MGAT4A: variants seen among roughly 807,000 people sequenced by gnomAD.
MGAT4A encodes the protein N-acetylglucosaminyltransferase IVa.
MGAT4A carries 33 observed loss-of-function variants against 74.1 expected under a neutral mutation model. That is an observed-to-expected ratio of 0.45 (90% CI 0.34 to 0.60). MGAT4A has a LOEUF of 0.60. Among genes scored for constraint, MGAT4A ranks in the 20% least tolerant of loss-of-function variants. The pLI is 0.02. For missense variants in MGAT4A, 479 were observed against 628.3 expected, an observed-to-expected ratio of 0.76 and a Z score of 2.54; for synonymous variants, 198 against 210.4, an observed-to-expected ratio of 0.94 and a Z score of 0.51.
intron 8 of MGAT4A, among the ~76,000 whole-genome samples, chr2:98,649,709 C>T (rs1011642616): frequency 1.3e-5 from 2 of 152,056 alleles, no homozygotes; most frequent in East Asian, 3.9e-4. Flanking sequence ...TAGGAGATTA[C>T]ACCCACAAGC....
intron 2 of MGAT4A, among the ~76,000 whole-genome samples, chr2:98,702,234 T>C (rs138235874): frequency 6.6e-6 from 1 of 152,306 alleles, no homozygotes; most frequent in Non-Finnish European, 1.5e-5. Flanking sequence ...GGGGCAGGCC[T>C]TGAAAACTAG....
intron 7 of MGAT4A, 84 bp from the exon 8 acceptor site, chr2:98,655,604 C>A: frequency 1.2e-6 from 1 of 844,036 alleles, no homozygotes; most frequent in South Asian, 1.6e-5. Flanking sequence ...TGTCAAATGT[C>A]TACATAACAT....
chr2:98,707,545 A>C (rs1702456564), intron 2 of MGAT4A, among the ~76,000 whole-genome samples: 1 of 152,038 alleles, frequency 6.6e-6, no homozygotes, highest in South Asian at 2.1e-4. Context: ...TTTACCTCCT[A>C]GCACTTCTCC....
At chr2:98,627,108 T>C (rs75732059) in intron 14 of MGAT4A, among the ~76,000 whole-genome samples, 84 of 152,342 alleles carry the variant, frequency 5.5e-4, no homozygotes, top group East Asian at 1.7e-3. Context: ...TCATTTGTAT[T>C]GAGGTCCAAA....
chr2:98,717,714 A>T lies in MGAT4A; in HGVS notation c.94+8525T>A, dbSNP rs557476851. ...TTTTAAAAACATTTACTGCTGTTCA[A>T]CTTACTGTTTAATTTACTGTTTTAC... On this transcript the variant is annotated intron_variant, in intron 2 of 15. Transcript: ENST00000393487. Among the ~76,000 whole-genome samples, 4 of 152,310 alleles carry T rather than the reference A, an allele frequency of 2.6e-5. No homozygotes were observed. In the South Asian group the frequency reaches 8.3e-4, roughly 32 times the overall value.
chr2:98,729,926 A>G (rs1319552768), intron 1 of MGAT4A, among the ~76,000 whole-genome samples: 1 of 152,204 alleles, frequency 6.6e-6, no homozygotes, highest in East Asian at 1.9e-4. Flanking sequence ...ACGGGTCAGT[A>G]GTTTTCTTTA....
intron 2 of MGAT4A, among the ~76,000 whole-genome samples, chr2:98,686,911 T>C (rs1391070357): frequency 6.6e-6 from 1 of 152,152 alleles, no homozygotes; most frequent in African/African-American, 2.4e-5. Flanking sequence ...AATAATAAAA[T>C]GAGGAACTAT....
At chr2:98,690,412 C>T (rs995467595) in intron 2 of MGAT4A, among the ~76,000 whole-genome samples, 4 of 152,184 alleles carry the variant, frequency 2.6e-5, no homozygotes, top group African/African-American at 9.7e-5. Flanking sequence ...CAACCCTGCA[C>T]AGCTGGAAGG....
chr2:98,653,121 CA>C (rs57040440), intron 8 of MGAT4A, among the ~76,000 whole-genome samples: 82,128 of 140,122 alleles, frequency 0.59, 25,686 homozygotes, highest in African/African-American at 0.85. Context: ...CAAACGAAAA[CA>C]AAAAAAAAAA....
intron 2 of MGAT4A, among the ~76,000 whole-genome samples, chr2:98,689,256 A>C (rs1331505868): frequency 6.6e-6 from 1 of 152,248 alleles, no homozygotes; most frequent in Non-Finnish European, 1.5e-5. Flanking sequence ...TTTTGTACCC[A>C]AAATGGCAAA....
At chr2:98,703,529 A>G (rs1204562653) in intron 2 of MGAT4A, among the ~76,000 whole-genome samples, 1 of 152,198 alleles carries the variant, frequency 6.6e-6, no homozygotes, top group Admixed American at 6.5e-5. Flanking sequence ...AACTTCCTCA[A>G]CTGGATAAAG....
At chr2:98,681,501 G>A (rs1387515526) in intron 2 of MGAT4A, among the ~76,000 whole-genome samples, 3 of 152,038 alleles carry the variant, frequency 2.0e-5, no homozygotes, top group African/African-American at 7.3e-5. Flanking sequence ...TGTGGACAAG[G>A]GCAGATCAGC....
chr2:98,694,523 T>C (rs940174859), intron 2 of MGAT4A: 7 of 153,726 alleles, frequency 4.6e-5, no homozygotes, highest in Admixed American at 3.9e-4. Flanking sequence ...CATGTGGTAA[T>C]GATCAAAAAC....
At chr2:98,708,264 C>T (rs527919566) in intron 2 of MGAT4A, among the ~76,000 whole-genome samples, 94 of 152,000 alleles carry the variant, frequency 6.2e-4, no homozygotes, top group African/African-American at 1.9e-3. Context: ...CACCGCACCC[C>T]GCCAGTGAGC....
At chr2:98,684,779 T>C (rs768774039) in intron 2 of MGAT4A, among the ~76,000 whole-genome samples, 6 of 152,224 alleles carry the variant, frequency 3.9e-5, no homozygotes, top group Non-Finnish European at 7.3e-5. Flanking sequence ...TAACTTCTTA[T>C]CAGCAAGATG....
At chr2:98,707,556 C>T (rs910390175) in intron 2 of MGAT4A, among the ~76,000 whole-genome samples, 4 of 152,066 alleles carry the variant, frequency 2.6e-5, no homozygotes, top group African/African-American at 4.8e-5. Context: ...GCACTTCTCC[C>T]GATGTTACAG....
At chr2:98,693,015 C>T (rs1316197431) in intron 2 of MGAT4A, among the ~76,000 whole-genome samples, 6 of 152,068 alleles carry the variant, frequency 3.9e-5, no homozygotes, top group Non-Finnish European at 5.9e-5. Context: ...CACAATTGAA[C>T]GTTAGAAAAC....
intron 6 of MGAT4A, among the ~76,000 whole-genome samples, chr2:98,657,083 C>T (rs893690510): frequency 2.0e-5 from 3 of 152,166 alleles, no homozygotes; most frequent in African/African-American, 7.2e-5. Flanking sequence ...CATACGGCAG[C>T]CCCCACAACA....
At chr2:98,630,666 T>C (rs1290491547) in intron 14 of MGAT4A, among the ~76,000 whole-genome samples, 1 of 152,170 alleles carries the variant, frequency 6.6e-6, no homozygotes, top group Non-Finnish European at 1.5e-5. Context: ...AACTGGATTA[T>C]AGGGCGTATC....
Sources: gnomAD v4.1 joint callset for allele counts (sites outside exome capture counted in the v4.1 genomes callset) on GRCh38, gnomAD v4.1.1 for gene constraint, MANE v1.5 for transcripts, NCBI Gene and HGNC (gene_info 2026-07-23, HGNC 2026-07-21) for gene names.